RERG: variants seen among roughly 807,000 people sequenced by gnomAD.
RERG encodes the protein RAS like estrogen regulated growth inhibitor.
Under a neutral mutation model 23.2 loss-of-function variants are expected in RERG, and 25 were observed. The ratio of observed to expected loss-of-function variants is 1.08; its 90% CI spans 0.79 to 1.50. The LOEUF is 1.50. Ranked by LOEUF, RERG falls within the 40% of genes most tolerant of loss-of-function variation. RERG has a pLI of 0.00. For synonymous variants in RERG, 81 were observed against 89.1 expected (o/e 0.91, Z 0.51); for missense variants, 253 against 250.1 (o/e 1.01, Z -0.08).
At chr12:15,211,151 C>G (rs1326150718) in intron 2 of RERG, among the ~76,000 whole-genome samples, 3 of 152,108 alleles carry the variant, frequency 2.0e-5, no homozygotes, top group African/African-American at 4.8e-5. Flanking sequence ...ATGTTTTTAG[C>G]AAATTTACCA....
At chr12:15,131,437 A>G (rs1169416824) in intron 2 of RERG, among the ~76,000 whole-genome samples, 1 of 152,196 alleles carries the variant, frequency 6.6e-6, no homozygotes, top group Non-Finnish European at 1.5e-5. Context: ...TAAGGTATTA[A>G]GCATTTTGTT....
chr12:15,152,229 G>C (rs950107717), intron 2 of RERG, among the ~76,000 whole-genome samples: 1 of 152,160 alleles, frequency 6.6e-6, no homozygotes, highest in Non-Finnish European at 1.5e-5. Flanking sequence ...CAAAGTCATA[G>C]GAGTCAAAAT....
At chr12:15,154,315 C>A (rs1864489291) in intron 2 of RERG, 1 of 152,202 alleles carries the variant, frequency 6.6e-6, no homozygotes, top group African/African-American at 2.4e-5. Flanking sequence ...CAGTTCTGGA[C>A]AACCTCATAC....
At chr12:15,165,614 C>T (rs1052076827) in intron 2 of RERG, among the ~76,000 whole-genome samples, 2 of 152,058 alleles carry the variant, frequency 1.3e-5, no homozygotes, top group Non-Finnish European at 2.9e-5. Context: ...ACTGGAGTAG[C>T]CTTAACTAAC....
chr12:15,197,588 T>C (rs1865161922), intron 2 of RERG, among the ~76,000 whole-genome samples: 1 of 152,182 alleles, frequency 6.6e-6, no homozygotes, highest in South Asian at 2.1e-4. Flanking sequence ...CATTGCATGT[T>C]GGTAAGCTAT....
chr12:15,208,175 C>T (rs1309078046), intron 2 of RERG, among the ~76,000 whole-genome samples: 1 of 152,114 alleles, frequency 6.6e-6, no homozygotes, highest in Non-Finnish European at 1.5e-5. Flanking sequence ...GAGTTTCCAC[C>T]CTGCCAACCT....
chr12:15,117,047 T>C (rs2417416), intron 3 of RERG, among the ~76,000 whole-genome samples: 100,796 of 151,528 alleles, frequency 0.67, 33,613 homozygotes, highest in Admixed American at 0.74. Flanking sequence ...CTGCACTCAC[T>C]AGTAGTTTAA....
intron 2 of RERG, among the ~76,000 whole-genome samples, chr12:15,207,596 T>C (rs1252287122): frequency 6.6e-6 from 1 of 152,174 alleles, no homozygotes; most frequent in Non-Finnish European, 1.5e-5. Flanking sequence ...AGTTGTGCTC[T>C]GATCTGTTCT....
At chr12:15,178,319 TATTC>T (rs1312067349) in intron 2 of RERG, among the ~76,000 whole-genome samples, 1 of 152,168 alleles carries the variant, frequency 6.6e-6, no homozygotes, top group African/African-American at 2.4e-5. Context: ...TTTTCTACAA[TATTC>T]ATTATTATAT....
At chr12:15,177,135 G>C (rs890783704) in intron 2 of RERG, among the ~76,000 whole-genome samples, 1 of 152,182 alleles carries the variant, frequency 6.6e-6, no homozygotes, top group Non-Finnish European at 1.5e-5. Context: ...ATTTTGGCAT[G>C]ATAAGTTCTA....
intron 1 of RERG, among the ~76,000 whole-genome samples, chr12:15,220,963 G>C (rs1023650211): frequency 6.6e-6 from 1 of 152,098 alleles, no homozygotes; most frequent in African/African-American, 2.4e-5. Flanking sequence ...TTCAGGCTAG[G>C]GAGAAAATGC....
chr12:15,217,497 G>T lies in RERG; in HGVS notation c.-8C>A. On this transcript the variant is annotated 5_prime_UTR_variant, in exon 2 of 5. Coordinates refer to ENST00000256953, the MANE Select transcript of RERG (RefSeq NM_032918.3). ...CTCCGCACTTTTAGCCATGATGGGT[G>T]TTGGTAGACAATTTACTGTTGTTAA... 6.2e-7 allele frequency: 1 copy of T among 1,606,624 alleles called. No individual in the cohort carries two copies. Among genetic ancestry groups the T allele is most frequent in the Non-Finnish European group, 8.5e-7 (1 of 1,173,158 alleles).
At chr12:15,137,924 T>A (rs1864171883) in intron 2 of RERG, 1 of 422,146 alleles carries the variant, frequency 2.4e-6, no homozygotes, top group Admixed American at 2.7e-5. Context: ...GAATGTATCG[T>A]ATCATTTTTT....
At chr12:15,201,222 G>T (rs1197368767) in intron 2 of RERG, among the ~76,000 whole-genome samples, 1 of 151,760 alleles carries the variant, frequency 6.6e-6, no homozygotes, top group Non-Finnish European at 1.5e-5. Context: ...TGGAAGAGAG[G>T]ACAAGGGAGG....
intron 2 of RERG, among the ~76,000 whole-genome samples, chr12:15,148,854 T>G (rs1014999172): frequency 3.1e-5 from 2 of 64,714 alleles, no homozygotes; most frequent in Admixed American, 1.3e-4. Flanking sequence ...TCTGTTTTTT[T>G]TTTTTTTTTT....
Position 15,109,308 on chromosome 12 carries a change from C to A in RERG, c.402G>T (p.Glu134Asp). The part of the protein sequence containing the change: ...HSRQVSTEEG[E>D]KLATELACAF... ...CACAAGCCAATTCTGTGGCCAGCTT[C>A]TCTCCTTCTTCTGTGCTAACCTGCC... The change falls in exon 5 of 5, where the codon GAG (glutamate) becomes GAT (aspartate). Residue 134 changes from glutamate to aspartate, a missense_variant. By Grantham distance (45) the Glu-to-Asp change is conservative (BLOSUM62 2). Coordinates refer to ENST00000256953, the MANE Select transcript of RERG (RefSeq NM_032918.3). 1 of 1,614,168 alleles carries A rather than the reference C, an allele frequency of 6.2e-7. No individual in the cohort carries two copies. Among genetic ancestry groups the A allele is most frequent in the Non-Finnish European group, 8.5e-7 (1 of 1,180,014 alleles).
intron 2 of RERG, among the ~76,000 whole-genome samples, chr12:15,174,952 A>C (rs1473394778): frequency 6.6e-6 from 1 of 152,088 alleles, no homozygotes; most frequent in South Asian, 2.1e-4. Flanking sequence ...TAACTCTAAG[A>C]TTTGGGATCC....
At position 15,108,947 on chromosome 12, in the gene RERG, A is replaced by G. The variant is rs17762276; in HGVS notation, c.*163T>C. ...GAAATTGTTAGCACTGAAATTGCATAAAACACGCTAAAACTTCCCAACCTA... is the reference window on the plus strand; with the variant it reads ...GAAATTGTTAGCACTGAAATTGCATGAAACACGCTAAAACTTCCCAACCTA... On this transcript the variant is annotated 3_prime_UTR_variant, in exon 5 of 5. Transcript: ENST00000256953. The G allele has an allele frequency of 0.018, 11,875 of 656,746 alleles. 146 individuals carry two copies. The highest frequency in any genetic ancestry group is 0.023 in the Middle Eastern group (54 of 2,306). 40.7% of individuals were successfully genotyped at this position (656,746 alleles called of 1,614,324 possible).
At chr12:15,132,996 AC>A (rs1386051396) in intron 2 of RERG, among the ~76,000 whole-genome samples, 5 of 106,822 alleles carry the variant, frequency 4.7e-5, no homozygotes, top group African/African-American at 1.8e-4. Context: ...CTGCCCCCCA[AC>A]ACACAGCCTC....
Sources: gnomAD v4.1 joint callset for allele counts (sites outside exome capture counted in the v4.1 genomes callset) on GRCh38, gnomAD v4.1.1 for gene constraint, MANE v1.5 for transcripts, NCBI Gene and HGNC (gene_info 2026-07-23, HGNC 2026-07-21) for gene names.